PLXDC2: variants seen among roughly 807,000 people sequenced by gnomAD.
PLXDC2 encodes the protein plexin domain-containing protein 2.
Under a neutral mutation model 68.9 loss-of-function variants are expected in PLXDC2, and 40 were observed. The ratio of observed to expected loss-of-function variants is 0.58; its 90% CI spans 0.45 to 0.76. The LOEUF (loss-of-function observed/expected upper bound fraction) is 0.76, where lower values mean the gene tolerates loss of function less well. PLXDC2 is among the 30% of genes least tolerant of loss of function. The pLI is 0.00. For synonymous variants in PLXDC2, 243 were observed against 234.2 expected, an observed-to-expected ratio of 1.04 and a Z score of -0.34; for missense variants, 644 against 661.9, an observed-to-expected ratio of 0.97 and a Z score of 0.30.
chr10:20,043,128 G>A (rs1200140389), intron 2 of PLXDC2, among the ~76,000 whole-genome samples: 1 of 152,122 alleles, frequency 6.6e-6, no homozygotes, highest in Admixed American at 6.6e-5. Flanking sequence ...ACATTTTTGA[G>A]AAATCTATTT....
At chr10:19,820,582 C>T (rs1836446343) in intron 1 of PLXDC2, among the ~76,000 whole-genome samples, 1 of 147,998 alleles carries the variant, frequency 6.8e-6, no homozygotes, top group Admixed American at 6.8e-5. Flanking sequence ...TGCAGTGAGC[C>T]GAGATTGCGC....
intron 9 of PLXDC2, among the ~76,000 whole-genome samples, chr10:20,205,353 G>C (rs1414593381): frequency 1.3e-5 from 2 of 151,948 alleles, no homozygotes; most frequent in Non-Finnish European, 2.9e-5. Context: ...AGAATAATTT[G>C]GACATAAAAA....
At position 20,211,740 on chromosome 10, in the gene PLXDC2, T is replaced by G. The variant is rs545977518; in HGVS notation, c.1122+11T>G. 2.5e-6 allele frequency: 4 copies of G among 1,611,826 alleles called. No individual in the cohort carries two copies. The highest frequency in any genetic ancestry group is 3.4e-6 in the Non-Finnish European group (4 of 1,178,462). The stretch of plus-strand genomic sequence containing the variant: ...GGATGCCCTGAAGAGGTACACATGC[T>G]TTATTGTGACAGAATCCTGGGACCA... On this transcript the variant is annotated intron_variant, in intron 10 of 13. Transcript: ENST00000377252.
At chr10:19,927,429 C>T (rs529948866) in intron 1 of PLXDC2, among the ~76,000 whole-genome samples, 42 of 151,920 alleles carry the variant, frequency 2.8e-4, no homozygotes, top group Non-Finnish European at 4.3e-4. Flanking sequence ...TGGCTGGGCG[C>T]GGTGGCTCAT....
At chr10:19,985,960 G>T (rs550595219) in intron 1 of PLXDC2, among the ~76,000 whole-genome samples, 1 of 152,220 alleles carries the variant, frequency 6.6e-6, no homozygotes, top group Non-Finnish European at 1.5e-5. Context: ...CAGTCACACT[G>T]GTCCTCCTTC....
At chr10:19,863,676 A>G (rs1208957868) in intron 1 of PLXDC2, among the ~76,000 whole-genome samples, 1 of 152,208 alleles carries the variant, frequency 6.6e-6, no homozygotes, top group Non-Finnish European at 1.5e-5. Context: ...ATATCATTTT[A>G]ATATATTTTG....
intron 1 of PLXDC2, among the ~76,000 whole-genome samples, chr10:19,978,069 T>G (rs79003217): frequency 6.6e-6 from 1 of 152,186 alleles, no homozygotes; most frequent in Non-Finnish European, 1.5e-5. Flanking sequence ...TTCTGGTATA[T>G]CCAACCTGTG....
chr10:20,008,448 G>T (rs969154521), intron 2 of PLXDC2, among the ~76,000 whole-genome samples: 3 of 152,136 alleles, frequency 2.0e-5, no homozygotes, highest in African/African-American at 7.2e-5. Context: ...AGATACTCGA[G>T]AGGCTGAGGC....
At chr10:19,823,282 A>G (rs1400301564) in intron 1 of PLXDC2, among the ~76,000 whole-genome samples, 2 of 152,148 alleles carry the variant, frequency 1.3e-5, no homozygotes. Context: ...GTTTCATTTC[A>G]CTGAAGATGA....
rs542810951 is a variant in PLXDC2, at chr10:19,989,883, G to A, written c.113-11892G>A. ...TCCTGCCTCAGCCTCACGAGTAGCT[G>A]TGATTGCAAGCATTCGCCACCATGC... On this transcript the variant is annotated intron_variant, in intron 1 of 13. Coordinates refer to ENST00000377252, the MANE Select transcript of PLXDC2 (RefSeq NM_032812.9). 5.3e-3 allele frequency among the ~76,000 whole-genome samples: 811 copies of A among 151,782 alleles called. 5 individuals carry two copies. The highest frequency in any genetic ancestry group is 9.1e-3 in the Non-Finnish European group (616 of 67,946).
chr10:19,956,829 C>T (rs907812832), intron 1 of PLXDC2, among the ~76,000 whole-genome samples: 6 of 152,128 alleles, frequency 3.9e-5, no homozygotes, highest in Non-Finnish European at 7.4e-5. Flanking sequence ...TATGTCAATA[C>T]GGGAATGTGT....
chr10:19,915,923 G>C (rs534003998), intron 1 of PLXDC2, among the ~76,000 whole-genome samples: 15 of 152,070 alleles, frequency 9.9e-5, no homozygotes, highest in African/African-American at 2.9e-4. Flanking sequence ...CTTGCTGAGA[G>C]CTTGTTTAGG....
intron 4 of PLXDC2, among the ~76,000 whole-genome samples, chr10:20,084,082 T>C (rs1441678721): frequency 1.3e-5 from 2 of 152,164 alleles, no homozygotes; most frequent in Non-Finnish European, 2.9e-5. Context: ...AAGTGGTTTG[T>C]AGGTGTTATC....
chr10:20,157,517 G>A lies in PLXDC2; in HGVS notation c.784-6951G>A, dbSNP rs555776989. ...TTAACTATTACTTAAGCGGCATGCT[G>A]TTATCTCCCTGGTTTAGAGACAGAT... is the stretch of plus-strand genomic sequence containing the variant. On this transcript the variant is annotated intron_variant, in intron 6 of 13. Coordinates refer to ENST00000377252, the MANE Select transcript of PLXDC2 (RefSeq NM_032812.9). Among the ~76,000 whole-genome samples, 49 of 152,304 alleles carry A rather than the reference G, an allele frequency of 3.2e-4. 1 individual carries two copies. In the South Asian group the frequency reaches 8.7e-3, roughly 27 times the overall value.
chr10:20,187,922 A>G (rs568159310), intron 9 of PLXDC2, among the ~76,000 whole-genome samples: 20 of 151,944 alleles, frequency 1.3e-4, no homozygotes, highest in East Asian at 1.2e-3. Context: ...ACTATTTTTG[A>G]AAAGTGTTCT....
chr10:19,859,244 A>AAAACAAACAAAC (rs146784278), intron 1 of PLXDC2, among the ~76,000 whole-genome samples: 66 of 152,000 alleles, frequency 4.3e-4, no homozygotes, highest in East Asian at 2.1e-3. Flanking sequence ...CACAGGGCAA[A>AAAACAAACAAAC]AAACAAACAA....
At chr10:19,928,491 A>G (rs1833576209) in intron 1 of PLXDC2, among the ~76,000 whole-genome samples, 1 of 152,150 alleles carries the variant, frequency 6.6e-6, no homozygotes, top group Admixed American at 6.5e-5. Flanking sequence ...ATCTGTGTTT[A>G]TTGCAAAATT....
At chr10:19,983,595 G>C (rs180759284) in intron 1 of PLXDC2, among the ~76,000 whole-genome samples, 1 of 152,074 alleles carries the variant, frequency 6.6e-6, no homozygotes, top group Non-Finnish European at 1.5e-5. Context: ...AGAAACTAAC[G>C]CCCCAGTGAG....
At chr10:20,003,937 C>T (rs549704898) in intron 2 of PLXDC2, among the ~76,000 whole-genome samples, 49 of 152,270 alleles carry the variant, frequency 3.2e-4, no homozygotes, top group African/African-American at 1.1e-3. Flanking sequence ...TCGTCACGTA[C>T]GGTCTGCTCA....
Sources: allele counts gnomAD v4.1 joint callset (sites outside exome capture counted in the v4.1 genomes callset), GRCh38; gene constraint gnomAD v4.1.1; transcripts MANE v1.5; gene names NCBI Gene and HGNC (gene_info 2026-07-23, HGNC 2026-07-21).